RAD51B: variants seen among roughly 807,000 people sequenced by gnomAD.
The protein encoded by RAD51B is DNA repair protein RAD51 homolog 2.
A neutral mutation model predicts 42.2 loss-of-function variants in RAD51B; 38 were observed. That is an observed-to-expected ratio of 0.90 (90% CI 0.70 to 1.18). The LOEUF (loss-of-function observed/expected upper bound fraction) is 1.18. RAD51B is among the 50% of genes most tolerant of loss of function. The pLI is 0.00. For missense variants in RAD51B, 373 were observed against 400.7 expected, an observed-to-expected ratio of 0.93 and a Z score of 0.59; for synonymous variants, 154 against 145.2, an observed-to-expected ratio of 1.06 and a Z score of -0.43.
chr14:68,358,680 A>C (rs1470430692), intron 8 of RAD51B, among the ~76,000 whole-genome samples: 2 of 152,244 alleles, frequency 1.3e-5, no homozygotes, highest in Non-Finnish European at 2.9e-5. Flanking sequence ...TATGAAACAG[A>C]ATAGGTCCTG....
At chr14:67,867,541 C>T (rs1161582925) in intron 5 of RAD51B, among the ~76,000 whole-genome samples, 1 of 152,170 alleles carries the variant, frequency 6.6e-6, no homozygotes, top group African/African-American at 2.4e-5. Flanking sequence ...CTGTGGATTT[C>T]CTTTTTGTTG....
At chr14:68,116,376 T>G (rs911569260) in intron 7 of RAD51B, among the ~76,000 whole-genome samples, 3 of 151,296 alleles carry the variant, frequency 2.0e-5, no homozygotes, top group African/African-American at 7.3e-5. Flanking sequence ...AACTAGGTTT[T>G]CAAGTTGGTA....
At chr14:68,425,030 C>T (rs1291359001) in intron 9 of RAD51B, among the ~76,000 whole-genome samples, 1 of 152,216 alleles carries the variant, frequency 6.6e-6, no homozygotes. Flanking sequence ...CTGCCTCAGT[C>T]ATCCAAAGGG....
intron 7 of RAD51B, among the ~76,000 whole-genome samples, chr14:67,897,659 T>A (rs2043467819): frequency 6.6e-6 from 1 of 151,972 alleles, no homozygotes; most frequent in Non-Finnish European, 1.5e-5. Flanking sequence ...CACTTTTTTT[T>A]TTTTTTTGAG....
intron 7 of RAD51B, among the ~76,000 whole-genome samples, chr14:67,889,291 A>G (rs2043149642): frequency 6.6e-6 from 1 of 151,608 alleles, no homozygotes; most frequent in East Asian, 1.9e-4. Context: ...ATACATTTAA[A>G]TGGAAAATCT....
rs554911580 is a variant in RAD51B at position 68,282,592 on chromosome 14, A to C, written c.757-9292A>C. Among the ~76,000 whole-genome samples, 11 of 152,182 alleles carry C rather than the reference A, an allele frequency of 7.2e-5. No homozygotes were observed. In the East Asian group the frequency reaches 1.5e-3, roughly 21 times the overall value. On this transcript the variant is annotated intron_variant, in intron 7 of 10. Transcript: ENST00000471583. ...TCCTTTTAAAAATAACACCTTACAC[A>C]ATATCCCTTCCTTGAGGACATCAAA... is the stretch of plus-strand genomic sequence containing the variant.
intron 7 of RAD51B, among the ~76,000 whole-genome samples, chr14:68,012,200 G>A: frequency 6.6e-6 from 1 of 152,092 alleles, no homozygotes; most frequent in East Asian, 1.9e-4. Flanking sequence ...ATAATAATAA[G>A]CTAGAGCAAG....
At chr14:68,643,472 A>C (rs1169158370) in intron 10 of RAD51B, among the ~76,000 whole-genome samples, 3 of 152,210 alleles carry the variant, frequency 2.0e-5, no homozygotes, top group African/African-American at 7.2e-5. Context: ...TCATTTAAGG[A>C]GACCAGAGGA....
At chr14:68,175,118 A>G (rs1020390188) in intron 7 of RAD51B, among the ~76,000 whole-genome samples, 6 of 152,274 alleles carry the variant, frequency 3.9e-5, no homozygotes, top group Middle Eastern at 3.4e-3. Context: ...TTTTTATAAT[A>G]CTGACGTACC....
At chr14:67,971,135 A>G (rs1376027661) in intron 7 of RAD51B, among the ~76,000 whole-genome samples, 1 of 152,158 alleles carries the variant, frequency 6.6e-6, no homozygotes, top group Non-Finnish European at 1.5e-5. Context: ...ATGACTCAGT[A>G]GGTAAATTGC....
chr14:67,942,393 C>G (rs1356200947), intron 7 of RAD51B, among the ~76,000 whole-genome samples: 3 of 152,096 alleles, frequency 2.0e-5, no homozygotes, highest in Non-Finnish European at 4.4e-5. Flanking sequence ...ATGGAAATCA[C>G]AATGTAGCAG....
At chr14:67,825,788 T>G (rs2040812293) in intron 3 of RAD51B, among the ~76,000 whole-genome samples, 1 of 152,136 alleles carries the variant, frequency 6.6e-6, no homozygotes, top group Admixed American at 6.6e-5. Flanking sequence ...GGAGGGCAGT[T>G]GCACGATCTC....
intron 1 of RAD51B, among the ~76,000 whole-genome samples, chr14:67,821,795 T>TA (rs2040637628): frequency 1.3e-5 from 2 of 151,962 alleles, no homozygotes; most frequent in Admixed American, 6.5e-5. Flanking sequence ...TTTTTTTTTT[T>TA]AAATTGAATT....
chr14:68,067,190 T>C (rs1423317586), intron 7 of RAD51B, among the ~76,000 whole-genome samples: 1 of 152,126 alleles, frequency 6.6e-6, no homozygotes, highest in African/African-American at 2.4e-5. Flanking sequence ...TGGCTGGTCA[T>C]GGTGGCTCAT....
At chr14:67,861,559 G>C (rs1411087731) in intron 4 of RAD51B, among the ~76,000 whole-genome samples, 1 of 146,174 alleles carries the variant, frequency 6.8e-6, no homozygotes, top group African/African-American at 2.5e-5. Flanking sequence ...CTGGGCAACA[G>C]AGTGAGAACC....
At chr14:68,081,952 T>TTTTTTC (rs1387947827) in intron 7 of RAD51B, among the ~76,000 whole-genome samples, 1 of 152,164 alleles carries the variant, frequency 6.6e-6, no homozygotes, top group Non-Finnish European at 1.5e-5. Flanking sequence ...ATAATATTTC[T>TTTTTTC]TTTTTCTTTT....
At chr14:68,526,144 A>G (rs1324100786) in intron 10 of RAD51B, among the ~76,000 whole-genome samples, 1 of 152,258 alleles carries the variant, frequency 6.6e-6, no homozygotes, top group Non-Finnish European at 1.5e-5. Context: ...GGTCATGTTC[A>G]GTGCTATAAA....
At chr14:68,454,028 A>G (rs139239815) in intron 9 of RAD51B, among the ~76,000 whole-genome samples, 1 of 152,362 alleles carries the variant, frequency 6.6e-6, no homozygotes, top group East Asian at 1.9e-4. Flanking sequence ...AGTGGTCAGA[A>G]GACAAGGAAG....
At position 67,975,955 on chromosome 14, in the gene RAD51B, C is replaced by A. The variant is rs75094863; in HGVS notation, c.756+88751C>A. ...TCTTACCTTTATTAATGCTTTATTCCCTCATCTGTAATGCTTATATTCCTT... is the reference window on the plus strand; with the variant it reads ...TCTTACCTTTATTAATGCTTTATTCACTCATCTGTAATGCTTATATTCCTT... On this transcript the variant is annotated intron_variant, in intron 7 of 10. Coordinates refer to ENST00000471583, the MANE Select transcript of RAD51B (RefSeq NM_133510.4). Among the ~76,000 whole-genome samples the A allele has an allele frequency of 9.3e-4, 141 of 152,298 alleles. 3 individuals carry two copies. The East Asian group carries it at 0.025, about 27-fold the overall frequency.
Sources: gnomAD v4.1 joint callset for allele counts (sites outside exome capture counted in the v4.1 genomes callset) on GRCh38, gnomAD v4.1.1 for gene constraint, MANE v1.5 for transcripts, NCBI Gene and HGNC (gene_info 2026-07-23, HGNC 2026-07-21) for gene names.